PKP4: variants seen among roughly 807,000 people sequenced by gnomAD.
PKP4 encodes plakophilin 4.
Under a neutral mutation model 145.1 loss-of-function variants are expected in PKP4, and 90 were observed. That is an observed-to-expected ratio of 0.62 (90% CI 0.52 to 0.74). The LOEUF (loss-of-function observed/expected upper bound fraction) is 0.74, where lower values mean the gene tolerates loss of function less well. Among genes scored for constraint, PKP4 ranks in the 30% least tolerant of loss-of-function variants. PKP4 has a pLI of 0.00. For synonymous variants in PKP4, 563 were observed against 577.2 expected, an observed-to-expected ratio of 0.98 and a Z score of 0.35; for missense variants, 1,340 against 1,482.7, an observed-to-expected ratio of 0.90 and a Z score of 1.58.
At chr2:158,536,829 G>T (rs1405299392) in intron 2 of PKP4, among the ~76,000 whole-genome samples, 2 of 152,188 alleles carry the variant, frequency 1.3e-5, no homozygotes, top group Non-Finnish European at 2.9e-5. Flanking sequence ...CTGCGTTTTT[G>T]ATGAAACATA....
chr2:158,523,119 G>A (rs945092400), intron 1 of PKP4, among the ~76,000 whole-genome samples: 1 of 152,222 alleles, frequency 6.6e-6, no homozygotes, highest in African/African-American at 2.4e-5. Flanking sequence ...ACAACTGGGT[G>A]GAGCCCACCA....
At chr2:158,630,093 A>G (rs2053214366) in intron 7 of PKP4, among the ~76,000 whole-genome samples, 1 of 152,176 alleles carries the variant, frequency 6.6e-6, no homozygotes, top group Admixed American at 6.5e-5. Context: ...AAAAGCAAAT[A>G]TATGCTGACT....
At chr2:158,461,831 AACAC>A (rs144595084) in intron 1 of PKP4, among the ~76,000 whole-genome samples, 2 of 151,974 alleles carry the variant, frequency 1.3e-5, no homozygotes, top group South Asian at 2.1e-4. Context: ...ACCCTGCCAC[AACAC>A]ACACACACTA....
chr2:158,640,770 T>C lies in PKP4; in HGVS notation c.1695+11T>C. On this transcript the variant is annotated intron_variant, in intron 10 of 21. Transcript: ENST00000389759. ...AAAGTGAAGATGGAGGTACAGGACA[T>C]GGTGCCTGGGATGACTGGGGAAAAT... 6.2e-7 allele frequency: 1 copy of C among 1,613,912 alleles called. No homozygotes were observed. Among genetic ancestry groups the C allele is most frequent in the East Asian group, 2.2e-5 (1 of 44,868 alleles).
intron 2 of PKP4, chr2:158,533,566 C>CT: frequency 1.8e-6 from 1 of 570,326 alleles, no homozygotes; most frequent in East Asian, 4.1e-5. Flanking sequence ...ATCGGTGTCT[C>CT]TGTCTCTCCC....
chr2:158,645,398 T>G (rs1172321825), intron 11 of PKP4, among the ~76,000 whole-genome samples: 5 of 152,282 alleles, frequency 3.3e-5, no homozygotes, highest in South Asian at 2.1e-4. Flanking sequence ...GCCCACAAAT[T>G]TACCCTGAGC....
intron 7 of PKP4, among the ~76,000 whole-genome samples, chr2:158,629,583 TC>T (rs1276636771): frequency 6.6e-6 from 1 of 152,196 alleles, no homozygotes; most frequent in Non-Finnish European, 1.5e-5. Context: ...TAATAATCAT[TC>T]ACTTTAGAAG....
chr2:158,653,387 C>G (rs955454936), intron 11 of PKP4, among the ~76,000 whole-genome samples: 5 of 152,128 alleles, frequency 3.3e-5, no homozygotes, highest in Non-Finnish European at 5.9e-5. Context: ...TAAATGTGAG[C>G]TCTTTCAAAA....
chr2:158,539,684 A>G (rs2044351432), intron 2 of PKP4, among the ~76,000 whole-genome samples: 1 of 152,180 alleles, frequency 6.6e-6, no homozygotes, highest in African/African-American at 2.4e-5. Flanking sequence ...GCAGCATCTA[A>G]CCCAAGATAA....
At chr2:158,504,747 C>T (rs1697071054) in intron 1 of PKP4, among the ~76,000 whole-genome samples, 1 of 151,686 alleles carries the variant, frequency 6.6e-6, no homozygotes, top group African/African-American at 2.4e-5. Flanking sequence ...CTTTTATATC[C>T]TTCTTGCAAA....
At chr2:158,495,244 A>AT (rs1225697632) in intron 1 of PKP4, among the ~76,000 whole-genome samples, 5 of 151,410 alleles carry the variant, frequency 3.3e-5, no homozygotes, top group Non-Finnish European at 5.9e-5. Flanking sequence ...ATGAAGTACC[A>AT]TTTTTTTCAC....
At chr2:158,481,998 T>C (rs991795977) in intron 1 of PKP4, among the ~76,000 whole-genome samples, 14 of 152,250 alleles carry the variant, frequency 9.2e-5, no homozygotes, top group Non-Finnish European at 2.1e-4. Context: ...CTTGGAATAA[T>C]GTTGGTAAAG....
chr2:158,586,004 A>T (rs1357981915), intron 3 of PKP4, among the ~76,000 whole-genome samples: 1 of 151,808 alleles, frequency 6.6e-6, no homozygotes, highest in African/African-American at 2.4e-5. Flanking sequence ...AACATTTCTA[A>T]TAAATTATAT....
intron 16 of PKP4, 119 bp downstream of exon 16, chr2:158,666,682 C>A (rs2057117679): frequency 1.2e-6 from 1 of 825,934 alleles, no homozygotes. Context: ...GCCCTAGTCT[C>A]CAGTTTCTTG....
chr2:158,604,481 A>G (rs1258495802), intron 4 of PKP4, among the ~76,000 whole-genome samples: 2 of 152,180 alleles, frequency 1.3e-5, no homozygotes, highest in Admixed American at 1.3e-4. Flanking sequence ...TGGTGGGAGG[A>G]AAAATTAGTG....
intron 11 of PKP4, among the ~76,000 whole-genome samples, chr2:158,650,173 C>T (rs1205551807): frequency 2.0e-5 from 3 of 152,210 alleles, no homozygotes; most frequent in African/African-American, 7.2e-5. Flanking sequence ...AATTTCCTTT[C>T]ATGTGACCTG....
chr2:158,477,466 AAATG>A (rs1692663520), intron 1 of PKP4, among the ~76,000 whole-genome samples: 2 of 152,248 alleles, frequency 1.3e-5, no homozygotes, highest in Admixed American at 1.3e-4. Context: ...AACCATGCCA[AAATG>A]AATGAACTAC....
Position 158,680,756 on chromosome 2 carries a change from A to G in PKP4, c.*79A>G. The G allele has an allele frequency of 8.0e-7, 1 of 1,253,828 alleles. No individual in the cohort carries two copies. The highest frequency in any genetic ancestry group is 1.1e-6 in the Non-Finnish European group (1 of 902,492). 77.7% of individuals were successfully genotyped at this position (1,253,828 alleles called of 1,614,324 possible). A position where few individuals can be genotyped will look rare whatever the true frequency, so the allele number is the denominator to read the frequency against. On this transcript the variant is annotated 3_prime_UTR_variant, in exon 22 of 22. Transcript: ENST00000389759. ...GTGAAAAGTCCATCTTGCTGATTTG[A>G]TGATTGAAATGTGAAAGTGAAGTGG...
intron 1 of PKP4, among the ~76,000 whole-genome samples, chr2:158,501,694 G>C (rs745518245): frequency 7.5e-6 from 1 of 134,042 alleles, no homozygotes; most frequent in Non-Finnish European, 1.7e-5. Flanking sequence ...AAACGCCTCA[G>C]TGAGGGCACA....
Sources: gnomAD v4.1 joint callset for allele counts (sites outside exome capture counted in the v4.1 genomes callset) on GRCh38, gnomAD v4.1.1 for gene constraint, MANE v1.5 for transcripts, NCBI Gene and HGNC (gene_info 2026-07-23, HGNC 2026-07-21) for gene names.